Variants in CUBN observed in about 807,000 individuals in gnomAD.
CUBN encodes the protein 460 kDa receptor.
In CUBN, 282 loss-of-function variants were observed where a neutral mutation model predicts 405.3. The ratio of observed to expected loss-of-function variants is 0.70; its 90% confidence interval spans 0.63 to 0.77. The LOEUF is 0.77. Among genes scored for constraint, CUBN ranks in the 30% least tolerant of loss-of-function variants. The pLI is 0.00. For synonymous variants in CUBN, 1,684 were observed against 1,617.0 expected (o/e 1.04, Z -0.99); for missense variants, 4,514 against 4,475.2 (o/e 1.01, Z -0.25).
Position 16,915,096 on chromosome 10 carries a change from C to T in CUBN, c.7287G>A (p.Arg2429=). 1 of 1,614,124 alleles carries T rather than the reference C, an allele frequency of 6.2e-7. No homozygotes were observed. The highest frequency in any genetic ancestry group is 8.5e-7 in the Non-Finnish European group (1 of 1,180,018). The part of the protein sequence containing the change: ...IDTSSNTAVV[R]FVTDGSVTAS... ...CAGTCACAGAGCCGTCTGTGACAAACCTGACCACAGCAGTATTGCTAGAAG... is the reference window on the plus strand; with the variant it reads ...CAGTCACAGAGCCGTCTGTGACAAATCTGACCACAGCAGTATTGCTAGAAG... The change falls in exon 47 of 67, where the codon AGG becomes AGA. Residue 2429 remains arginine (R), a synonymous_variant. Coordinates refer to ENST00000377833, the MANE Select transcript of CUBN (RefSeq NM_001081.4).
intron 59 of CUBN, among the ~76,000 whole-genome samples, chr10:16,863,492 T>A (rs888931770): frequency 3.9e-5 from 6 of 152,218 alleles, no homozygotes; most frequent in African/African-American, 1.4e-4. Context: ...CCTTATTACA[T>A]TTGTACTTCT....
chr10:16,830,284 T>C (rs1440607690), intron 65 of CUBN, among the ~76,000 whole-genome samples: 1 of 152,220 alleles, frequency 6.6e-6, no homozygotes, highest in Non-Finnish European at 1.5e-5. Flanking sequence ...AGGTCACCTT[T>C]AAGCTTCCTT....
intron 10 of CUBN, among the ~76,000 whole-genome samples, chr10:17,108,542 A>AT (rs1836692570): frequency 1.3e-5 from 2 of 152,168 alleles, no homozygotes; most frequent in South Asian, 4.1e-4. Flanking sequence ...TTTGAGCAAA[A>AT]ATACCAAGCC....
Position 16,890,456 on chromosome 10 carries a change from G to C in CUBN, c.8670C>G (p.Pro2890=). 1.2e-6 allele frequency: 2 copies of C among 1,614,082 alleles called. No individual in the cohort carries two copies. The highest frequency in any genetic ancestry group is 1.7e-6 in the Non-Finnish European group (2 of 1,180,008). Residue 2890 remains proline (P), a synonymous_variant, in exon 55 of 67, where the codon CCC becomes CCG. Coordinates refer to ENST00000377833, the MANE Select transcript of CUBN (RefSeq NM_001081.4). ...TGAATGTGTTACTTGGTGTGATAAC[G>C]GGACCCGGAGCCACGTTCCCACAGC... ...ATGCGNVAPG[P]VITPSNTFTA...
At chr10:16,845,923 T>C (rs11254244) in intron 60 of CUBN, among the ~76,000 whole-genome samples, 16,709 of 152,242 alleles carry the variant, frequency 0.11, 2,152 homozygotes, top group African/African-American at 0.28. Flanking sequence ...GTCATCACTA[T>C]AATTTGGGCC....
intron 3 of CUBN, among the ~76,000 whole-genome samples, chr10:17,127,298 C>A (rs1462717666): frequency 1.4e-5 from 2 of 139,256 alleles, no homozygotes; most frequent in African/African-American, 2.6e-5. Flanking sequence ...CAAGGTCCCA[C>A]TCTGTTGCCT....
chr10:17,084,214 C>A (rs576440773), intron 17 of CUBN, 57 bp downstream of exon 17: 2 of 1,557,632 alleles, frequency 1.3e-6, no homozygotes, highest in East Asian at 2.2e-5. Flanking sequence ...CACCACTCTG[C>A]AGAATATAAA....
At chr10:17,055,793 G>T (rs772969857) in intron 22 of CUBN, among the ~76,000 whole-genome samples, 1 of 152,048 alleles carries the variant, frequency 6.6e-6, no homozygotes, top group Non-Finnish European at 1.5e-5. Context: ...AAATGGAGAG[G>T]TAAAATATGT....
Position 16,920,092 on chromosome 10 carries a change from T to A in CUBN, c.6692A>T (p.Tyr2231Phe). The A allele has an allele frequency of 6.2e-7, 1 of 1,613,976 alleles. No homozygotes were observed. The highest frequency in any genetic ancestry group is 8.5e-7 in the Non-Finnish European group (1 of 1,179,968). ...ATGAGGGTGGTTGGGGGAGGTCACA[T>A]ACCCAGCAGAATCAGCATCATGGAT... ...VYIHDADSAG[Y>F]VTSPNHPHNY... is the part of the protein sequence containing the mutation. Residue 2231 changes from tyrosine (Y) to phenylalanine (F), a missense_variant, in exon 44 of 67, where the codon TAT becomes TTT. By Grantham distance (22) the Tyr-to-Phe change is conservative. Around this residue, in one of 5 missense-constraint regions of CUBN, gnomAD observed 1,613 missense variants for 1,542.8 expected, o/e 1.05. Coordinates refer to ENST00000377833, the MANE Select transcript of CUBN (RefSeq NM_001081.4).
intron 48 of CUBN, among the ~76,000 whole-genome samples, chr10:16,910,701 G>A (rs1228894724): frequency 6.6e-6 from 1 of 151,596 alleles, no homozygotes; most frequent in Non-Finnish European, 1.5e-5. Context: ...CAGGAGATAG[G>A]AACATGAAGA....
intron 27 of CUBN, among the ~76,000 whole-genome samples, chr10:17,027,639 A>G (rs1362025769): frequency 6.6e-6 from 1 of 152,174 alleles, no homozygotes; most frequent in Non-Finnish European, 1.5e-5. Flanking sequence ...TGCATTAGTA[A>G]TGCTTCTCCA....
Position 16,871,584 on chromosome 10 carries a change from T to C in CUBN, c.9237-1731A>G, listed in dbSNP as rs183789285. ...ATTTTCTTTTACCACATTTAACATT[T>C]AATGTTATTGTAAAAGATCAGGGAA... is the stretch of plus-strand genomic sequence containing the variant. On this transcript the variant is annotated intron_variant, in intron 58 of 66. Transcript: ENST00000377833. Among the ~76,000 whole-genome samples the C allele has an allele frequency of 1.6e-4, 24 of 152,240 alleles. No homozygotes were observed. The East Asian group carries it at 4.6e-3, about 29-fold the overall frequency.
intron 2 of CUBN, among the ~76,000 whole-genome samples, chr10:17,128,616 G>A (rs1335994714): frequency 4.6e-5 from 7 of 152,142 alleles, no homozygotes; most frequent in Non-Finnish European, 1.0e-4. Context: ...GGACTAGGGT[G>A]CATTGTCTGG....
chr10:17,003,746 G>A (rs950626581), intron 28 of CUBN, among the ~76,000 whole-genome samples: 1 of 152,108 alleles, frequency 6.6e-6, no homozygotes, highest in African/African-American at 2.4e-5. Context: ...TCTTTGCTGA[G>A]GATTCATCAG....
intron 28 of CUBN, among the ~76,000 whole-genome samples, chr10:17,015,890 C>T (rs941759970): frequency 2.6e-5 from 4 of 152,252 alleles, no homozygotes; most frequent in East Asian, 3.9e-4. Context: ...TTCTGAACCA[C>T]CAAGGTTTGT....
At chr10:16,919,068 T>A (rs1841966554) in intron 44 of CUBN, among the ~76,000 whole-genome samples, 2 of 152,248 alleles carry the variant, frequency 1.3e-5, no homozygotes, top group Non-Finnish European at 2.9e-5. Flanking sequence ...TGTATTGGTT[T>A]TACAAACATA....
chr10:16,966,654 G>C (rs570983132), intron 31 of CUBN, among the ~76,000 whole-genome samples: 41 of 152,184 alleles, frequency 2.7e-4, no homozygotes, highest in African/African-American at 9.9e-4. Context: ...TCACCATGTT[G>C]GCCAGGCTGG....
intron 26 of CUBN, among the ~76,000 whole-genome samples, chr10:17,041,874 C>A (rs571540683): frequency 6.6e-6 from 1 of 152,174 alleles, no homozygotes; most frequent in Non-Finnish European, 1.5e-5. Flanking sequence ...AGTCTTCAAT[C>A]CAATGGTGGC....
rs771824187 is a variant in CUBN, at chr10:17,071,615, A to G, written c.2447-11T>C. 1 of 1,611,950 alleles carries G rather than the reference A, an allele frequency of 6.2e-7. No homozygotes were observed. The highest frequency in any genetic ancestry group is 8.5e-7 in the Non-Finnish European group (1 of 1,178,872). ...ATTCATCCCCGCAAGCTGTAAGCAT[A>G]AAAATTATAGTAGTGCTTGTCCAGA... On this transcript the variant is annotated splice_polypyrimidine_tract_variant and intron_variant, in intron 18 of 66. Coordinates refer to ENST00000377833, the MANE Select transcript of CUBN (RefSeq NM_001081.4).
Sources: allele counts gnomAD v4.1 joint callset (sites outside exome capture counted in the v4.1 genomes callset), GRCh38; gene constraint gnomAD v4.1.1; regional missense constraint gnomAD v4.1.1; transcripts MANE v1.5; gene names NCBI Gene and HGNC (gene_info 2026-07-23, HGNC 2026-07-21).